Variants in NOX5 observed in about 807,000 individuals in gnomAD.
NOX5 encodes the protein NADPH oxidase, EF-hand calcium binding domain 5.
A neutral mutation model predicts 85.7 loss-of-function variants in NOX5; 76 were observed. The ratio of observed to expected loss-of-function variants is 0.89; its 90% CI spans 0.74 to 1.07. The LOEUF (loss-of-function observed/expected upper bound fraction) is 1.07. Among genes scored for constraint, NOX5 ranks in the 50% least tolerant of loss-of-function variants. NOX5 has a pLI of 0.00. For synonymous variants in NOX5, 405 were observed against 401.4 expected, an observed-to-expected ratio of 1.01 and a Z score of -0.11; for missense variants, 973 against 999.5, an observed-to-expected ratio of 0.97 and a Z score of 0.36.
intron 9 of NOX5, among the ~76,000 whole-genome samples, chr15:69,040,849 T>G (rs1210851766): frequency 6.6e-6 from 1 of 152,036 alleles, no homozygotes; most frequent in Non-Finnish European, 1.5e-5. Flanking sequence ...GGCTAATTTT[T>G]TTGTATTTTT....
chr15:69,047,317 A>G (rs2050686212), intron 11 of NOX5, 96 bp from the exon 12 acceptor site: 8 of 1,443,298 alleles, frequency 5.5e-6, no homozygotes, highest in Non-Finnish European at 6.4e-6. Context: ...CTTTCTATAT[A>G]TAAAGGGGGT....
chr15:69,030,520 T>C (rs1013039459), intron 3 of NOX5: 4 of 152,076 alleles, frequency 2.6e-5, no homozygotes, highest in East Asian at 1.9e-4. Flanking sequence ...GGATTTGAAA[T>C]TGGCCAACAG....
intron 2 of NOX5, 33 bp from the exon 3 acceptor site, chr15:69,028,182 A>G: frequency 6.4e-7 from 1 of 1,553,120 alleles, no homozygotes; most frequent in Non-Finnish European, 8.7e-7. Flanking sequence ...CTGCGGCCAC[A>G]GTTGTGCTGT....
At position 69,042,760 on chromosome 15, in the gene NOX5, G is replaced by C; in HGVS notation, c.1602G>C (p.Arg534Ser). ...ASDPLGRGSK[R>S]LSRSVTMRKS... is the part of the protein sequence containing the mutation. ...ACCCACTGGGCCGTGGTTCTAAGAGGCTGTCGAGGAGTGTGACAATGAGAA... is the reference window on the plus strand; with the variant it reads ...ACCCACTGGGCCGTGGTTCTAAGAGCCTGTCGAGGAGTGTGACAATGAGAA... Residue 534 changes from arginine (R) to serine (S), a missense_variant, in exon 10 of 16, where the codon AGG becomes AGC. Transcript: ENST00000388866. 1 of 1,614,176 alleles carries C rather than the reference G, an allele frequency of 6.2e-7. No homozygotes were observed. The highest frequency in any genetic ancestry group is 8.5e-7 in the Non-Finnish European group (1 of 1,180,020).
intron 1 of NOX5, among the ~76,000 whole-genome samples, chr15:69,016,513 C>T (rs940147899): frequency 6.6e-6 from 1 of 152,154 alleles, no homozygotes; most frequent in Non-Finnish European, 1.5e-5. Flanking sequence ...CTGGCTCTGC[C>T]CCAAGTCAAT....
intron 7 of NOX5, among the ~76,000 whole-genome samples, chr15:69,036,365 T>G (rs1201945851): frequency 1.3e-5 from 2 of 152,238 alleles, no homozygotes; most frequent in East Asian, 3.8e-4. Flanking sequence ...GTAAAACCAC[T>G]AACTACATCC....
chr15:69,047,113 G>C, intron 11 of NOX5: 1 of 575,942 alleles, frequency 1.7e-6, no homozygotes, highest in Non-Finnish European at 3.1e-6. Flanking sequence ...ACAGTGTATA[G>C]GCCTACGTGC....
chr15:69,031,179 C>T (rs1238591821), intron 3 of NOX5: 1 of 349,312 alleles, frequency 2.9e-6, no homozygotes, highest in Non-Finnish European at 5.2e-6. Flanking sequence ...ACTCCCTCAG[C>T]GCTAACCCAC....
chr15:69,032,988 A>G (rs1478545011), intron 4 of NOX5, 55 bp from the exon 5 acceptor site: 1 of 1,517,302 alleles, frequency 6.6e-7, no homozygotes, highest in South Asian at 1.2e-5. Flanking sequence ...AAGTTAAGAC[A>G]CAGGTGGTCC....
intron 1 of NOX5, 118 bp downstream of exon 1, chr15:69,014,903 T>C: frequency 1.3e-6 from 1 of 775,470 alleles, no homozygotes; most frequent in African/African-American, 1.7e-5. Context: ...TCAGAAGATC[T>C]GAGCTCTATT....
rs547178349 is a variant in NOX5 at position 69,035,789 on chromosome 15, C to A, written c.1041C>A (p.Phe347Leu). The A allele has an allele frequency of 6.2e-7, 1 of 1,614,218 alleles. No homozygotes were observed. Among genetic ancestry groups the A allele is most frequent in the Admixed American group, 1.7e-5 (1 of 60,036 alleles). The stretch of plus-strand genomic sequence containing the variant: ...AGGCTCAGGCGGAGGCCAGCCCTTT[C>A]CAGTTCTGGGAGCTGCTGCTCACCA... ...VLQAQAEASPFQFWELLLTTR... is the reference protein window; with the variant it reads ...VLQAQAEASPLQFWELLLTTR... The change falls in exon 7 of 16, where the codon TTC (phenylalanine) becomes TTA (leucine). Residue 347 changes from phenylalanine to leucine, a missense_variant. Physicochemically the swap from Phe to Leu is conservative, Grantham distance 22. Transcript: ENST00000388866.
rs929790314 is a variant in NOX5 at position 69,036,910 on chromosome 15, G to C, written c.1189-118G>C. ...CAACATCTTACCCAACTCCATCCCC[G>C]GGAGAGAGTCAAGGCTCTGAGCACT... is the stretch of plus-strand genomic sequence containing the variant. On this transcript the variant is annotated intron_variant, in intron 7 of 15. Transcript: ENST00000388866. 2.9e-5 allele frequency: 23 copies of C among 797,994 alleles called. No homozygotes were observed. In the African/African-American group the frequency reaches 3.8e-4, roughly 13 times the overall value. 49.4% of individuals were successfully genotyped at this position (797,994 alleles called of 1,614,324 possible). A position where few individuals can be genotyped will look rare whatever the true frequency, so the allele number is the denominator to read the frequency against.
At position 69,038,712 on chromosome 15, in the gene NOX5, A is replaced by C. The variant is rs1201517761; in HGVS notation, c.1372-145A>C. 3 of 1,122,442 alleles carry C rather than the reference A, an allele frequency of 2.7e-6. No homozygotes were observed. In the African/African-American group the frequency reaches 4.7e-5, roughly 18 times the overall value. The allele number at this position is 1,122,442 out of a possible 1,614,324, so 69.5% of individuals were successfully genotyped here. The stretch of plus-strand genomic sequence containing the variant: ...AGGTTGGCTGCTGAGGTGGGCCACC[A>C]CTCAGAAGCACAGAAGAGTGTCATG... On this transcript the variant is annotated intron_variant, in intron 8 of 15. Transcript: ENST00000388866.
At chr15:69,037,286 A>G (rs2050533906) in intron 8 of NOX5, 76 bp downstream of exon 8, 1 of 1,327,994 alleles carries the variant, frequency 7.5e-7, no homozygotes, top group Non-Finnish European at 1.0e-6. Context: ...GCAGCTGGAT[A>G]CCCTGTCAGA....
In NOX5 at chr15:69,026,526, A is replaced by G. The variant is rs1295590616; in HGVS notation, c.51-2A>G. 1.2e-6 allele frequency: 2 copies of G among 1,614,046 alleles called. No individual in the cohort carries two copies. The highest frequency in any genetic ancestry group is 2.7e-5 in the African/African-American group (2 of 74,932). ...CATAAACCTGTTTCCTTTGCCTCCC[A>G]GCACCATGAGTGCCGAGGAGGATGC... On this transcript the variant is annotated splice_acceptor_variant, in intron 1 of 15. Transcript: ENST00000388866. LOFTEE classifies it high-confidence loss of function.
chr15:69,056,483 T>C, intron 15 of NOX5, 82 bp from the exon 16 acceptor site: 1 of 1,555,848 alleles, frequency 6.4e-7, no homozygotes, highest in Non-Finnish European at 8.7e-7. Context: ...GTTATGCTGT[T>C]ACCTCCAGGT....
intron 10 of NOX5, among the ~76,000 whole-genome samples, chr15:69,045,576 T>TCTTTCTTCC (rs1555437250): frequency 1.4e-3 from 187 of 129,126 alleles, no homozygotes; most frequent in Admixed American, 3.2e-3. Context: ...TTCTTCCCTT[T>TCTTTCTTCC]CTTTCTTTTC....
chr15:69,053,596 G>A (rs922787197), intron 14 of NOX5, among the ~76,000 whole-genome samples: 1 of 152,134 alleles, frequency 6.6e-6, no homozygotes, highest in African/African-American at 2.4e-5. Flanking sequence ...TCATAAAAAT[G>A]CCAAAATTAA....
intron 1 of NOX5, among the ~76,000 whole-genome samples, chr15:69,025,216 G>A (rs149322294): frequency 1.4e-4 from 22 of 152,190 alleles, no homozygotes; most frequent in Admixed American, 9.2e-4. Flanking sequence ...TTGTTGATTC[G>A]TTGACATTGA....
Sources: allele counts gnomAD v4.1 joint callset (sites outside exome capture counted in the v4.1 genomes callset), GRCh38; gene constraint gnomAD v4.1.1; transcripts MANE v1.5; gene names NCBI Gene and HGNC (gene_info 2026-07-23, HGNC 2026-07-21).